The following AAGAB variants were observed in gnomAD, a reference collection of about 807,000 sequenced individuals.
AAGAB encodes alpha- and gamma-adaptin-binding protein p34.
In AAGAB, 38 loss-of-function variants were observed where a neutral mutation model predicts 44.1. That is an observed-to-expected ratio of 0.86 (90% CI 0.67 to 1.13). The LOEUF (loss-of-function observed/expected upper bound fraction) is 1.13, where lower values mean the gene tolerates loss of function less well. Ranked by LOEUF, AAGAB falls within the 50% of genes most tolerant of loss-of-function variation. The probability of loss-of-function intolerance (pLI) is 0.00; values close to 1 mark genes in which losing one functional copy is unlikely to be tolerated. For synonymous variants in AAGAB, 131 were observed against 131.8 expected (o/e 0.99, Z 0.04); for missense variants, 450 against 373.8 (o/e 1.20, Z -1.68).
At chr15:67,210,434 T>G (rs1386596520) in intron 5 of AAGAB, among the ~76,000 whole-genome samples, 1 of 151,396 alleles carries the variant, frequency 6.6e-6, no homozygotes, top group Non-Finnish European at 1.5e-5. Context: ...GAGAATCGCT[T>G]GAACCCAGGA....
intron 6 of AAGAB, 148 bp from the exon 7 acceptor site, chr15:67,208,806 A>C: frequency 1.6e-6 from 1 of 618,670 alleles, no homozygotes; most frequent in South Asian, 2.3e-5. Context: ...GATCACATTA[A>C]AAAAATAAAA....
At chr15:67,245,121 T>C (rs1479644325) in intron 1 of AAGAB, among the ~76,000 whole-genome samples, 1 of 152,164 alleles carries the variant, frequency 6.6e-6, no homozygotes, top group East Asian at 1.9e-4. Flanking sequence ...ATACCAAATA[T>C]AAATTTACCA....
chr15:67,222,242 G>GCACACACACACACACACACACACACA (rs370826027), intron 5 of AAGAB, among the ~76,000 whole-genome samples: 6 of 90,126 alleles, frequency 6.7e-5, no homozygotes, highest in East Asian at 6.2e-4. Context: ...GCGCGCGCGC[G>GCACACACACACACACACACACACACA]CACACACACA....
chr15:67,214,875 C>T (rs1052027411), intron 5 of AAGAB, among the ~76,000 whole-genome samples: 2 of 151,876 alleles, frequency 1.3e-5, no homozygotes, highest in Admixed American at 6.6e-5. Flanking sequence ...CTCCTGACCT[C>T]GTGATCTGCC....
At position 67,254,623 on chromosome 15, in the gene AAGAB, A is replaced by C; in HGVS notation, c.9T>G (p.Ala3=). Residue 3 remains alanine, a synonymous_variant, in exon 1 of 10, where the codon GCT becomes GCG. Transcript: ENST00000261880. The part of the protein sequence containing the change: MA[A]GVPCALVTSC... ...TGGTGACTAACGCACAGGGTACGCC[A>C]GCAGCCATAGCTGCGCTCGCGAGCC... 6.2e-7 allele frequency: 1 copy of C among 1,600,480 alleles called. No individual in the cohort carries two copies. The highest frequency in any genetic ancestry group is 8.5e-7 in the Non-Finnish European group (1 of 1,175,964).
intron 1 of AAGAB, among the ~76,000 whole-genome samples, chr15:67,246,398 A>AG (rs1964723193): frequency 6.6e-6 from 1 of 151,874 alleles, no homozygotes; most frequent in Non-Finnish European, 1.5e-5. Context: ...TCTCAAAAAA[A>AG]AAAAAAAAAA....
chr15:67,253,410 AGAGT>A (rs1964943513), intron 1 of AAGAB, among the ~76,000 whole-genome samples: 1 of 152,096 alleles, frequency 6.6e-6, no homozygotes, highest in Non-Finnish European at 1.5e-5. Flanking sequence ...CCTGGGCAGC[AGAGT>A]GAGACCCTAT....
At chr15:67,223,489 A>T (rs1595992652) in intron 5 of AAGAB, among the ~76,000 whole-genome samples, 1 of 152,100 alleles carries the variant, frequency 6.6e-6, no homozygotes, top group Admixed American at 6.5e-5. Flanking sequence ...TATCTAAACT[A>T]TCAGGAAACC....
intron 1 of AAGAB, among the ~76,000 whole-genome samples, chr15:67,239,860 T>C (rs1964554911): frequency 6.6e-6 from 1 of 152,242 alleles, no homozygotes; most frequent in African/African-American, 2.4e-5. Flanking sequence ...AAAATGAAAT[T>C]ATTCAAACTG....
rs556689819 is a variant in AAGAB at position 67,236,682 on chromosome 15, G to T, written c.212C>A (p.Ala71Glu). The T allele has an allele frequency of 3.2e-5, 51 of 1,614,074 alleles. 1 individual carries two copies. In the South Asian group the frequency reaches 5.2e-4, roughly 16 times the overall value. Residue 71 changes from alanine to glutamate, a missense_variant, in exon 2 of 10, where the codon GCA becomes GAA. Physicochemically the swap from Ala to Glu is moderately radical, Grantham distance 107 (BLOSUM62 -1). Coordinates refer to ENST00000261880, the MANE Select transcript of AAGAB (RefSeq NM_024666.5). The stretch of plus-strand genomic sequence containing the variant: ...TGCTTGGACAGATTCTGCAATCTCT[G>T]CAGTAACAAGAAATTTGTTTGGCAC... ...CVVPNKFLVT[A>E]EIAESVQAFV...
At chr15:67,254,789 A>C, upstream of AAGAB, 1 of 1,356,288 alleles carries the variant, frequency 7.4e-7, no homozygotes, top group Non-Finnish European at 1.0e-6. Context: ...CCAGCGTGGA[A>C]CAGGCCAGGT....
At chr15:67,254,340 C>A in intron 1 of AAGAB, 1 of 1,309,844 alleles carries the variant, frequency 7.6e-7, no homozygotes, top group Non-Finnish European at 1.0e-6. Flanking sequence ...TCACTTTACA[C>A]AGGAAGCCGA....
At chr15:67,224,716 G>A (rs965981548) in intron 5 of AAGAB, among the ~76,000 whole-genome samples, 1 of 151,766 alleles carries the variant, frequency 6.6e-6, no homozygotes. Flanking sequence ...AAGTAGCTGG[G>A]ATTACAGTCA....
intron 7 of AAGAB, among the ~76,000 whole-genome samples, chr15:67,206,273 A>T (rs1171660083): frequency 6.6e-6 from 1 of 152,180 alleles, no homozygotes; most frequent in African/African-American, 2.4e-5. Flanking sequence ...ACTGCATCCT[A>T]TCAGGAGGGC....
At chr15:67,230,266 T>C (rs901500416) in intron 5 of AAGAB, among the ~76,000 whole-genome samples, 2 of 152,176 alleles carry the variant, frequency 1.3e-5, no homozygotes, top group Non-Finnish European at 2.9e-5. Flanking sequence ...CCTAAAAGAC[T>C]GTGTTAATGG....
intron 1 of AAGAB, among the ~76,000 whole-genome samples, chr15:67,243,471 A>T (rs1380434428): frequency 6.6e-6 from 1 of 152,160 alleles, no homozygotes; most frequent in Admixed American, 6.5e-5. Flanking sequence ...ATTCTCCCCA[A>T]TCCTGCCAAG....
At chr15:67,222,070 C>A (rs1411370687) in intron 5 of AAGAB, among the ~76,000 whole-genome samples, 1 of 152,114 alleles carries the variant, frequency 6.6e-6, no homozygotes, top group Non-Finnish European at 1.5e-5. Context: ...TTTTTACTGA[C>A]CCACTCCAAT....
chr15:67,249,459 A>T (rs1285335224), intron 1 of AAGAB, among the ~76,000 whole-genome samples: 1 of 152,210 alleles, frequency 6.6e-6, no homozygotes, highest in Non-Finnish European at 1.5e-5. Context: ...CACTCAATTG[A>T]GAAAATAAAA....
At chr15:67,242,205 T>C (rs1596012736) in intron 1 of AAGAB, among the ~76,000 whole-genome samples, 3 of 139,032 alleles carry the variant, frequency 2.2e-5, no homozygotes, top group Non-Finnish European at 3.2e-5. Flanking sequence ...GGGTGGATCA[T>C]GAGGTCAGGA....
Sources: gnomAD v4.1 joint callset for allele counts (sites outside exome capture counted in the v4.1 genomes callset) on GRCh38, gnomAD v4.1.1 for gene constraint, MANE v1.5 for transcripts, NCBI Gene and HGNC (gene_info 2026-07-23, HGNC 2026-07-21) for gene names.